The following CDH13 variants were observed in gnomAD, a reference collection of about 807,000 sequenced individuals.
The protein encoded by CDH13 is cadherin 13.
Under a neutral mutation model 63.8 loss-of-function variants are expected in CDH13, and 24 were observed. The observed-to-expected ratio is 0.38, with a 90% CI of 0.27 to 0.53. CDH13 has a LOEUF of 0.53. Among genes scored for constraint, CDH13 ranks in the 20% least tolerant of loss-of-function variants. The probability of loss-of-function intolerance (pLI) is 0.85; values close to 1 mark genes in which losing one functional copy is unlikely to be tolerated. For missense variants in CDH13, 1,049 were observed against 903.1 expected (o/e 1.16, Z -2.07); for synonymous variants, 503 against 355.3 (o/e 1.42, Z -4.67).
At chr16:83,720,671 A>G (rs1283335403) in intron 10 of CDH13, among the ~76,000 whole-genome samples, 1 of 152,114 alleles carries the variant, frequency 6.6e-6, no homozygotes, top group African/African-American at 2.4e-5. Context: ...GGAAGCAGCA[A>G]AGACAGGGTG....
intron 2 of CDH13, among the ~76,000 whole-genome samples, chr16:82,906,335 C>T (rs754771420): frequency 6.6e-6 from 1 of 152,126 alleles, no homozygotes. Flanking sequence ...ATGATTGGCC[C>T]TTAGTCCCCA....
At chr16:83,245,719 A>C (rs971577202) in intron 5 of CDH13, among the ~76,000 whole-genome samples, 1 of 152,160 alleles carries the variant, frequency 6.6e-6, no homozygotes, top group Non-Finnish European at 1.5e-5. Flanking sequence ...AGACTTAGTC[A>C]ATTTTTTTCC....
intron 3 of CDH13, among the ~76,000 whole-genome samples, chr16:83,122,823 T>G (rs2035644446): frequency 6.6e-6 from 1 of 152,166 alleles, no homozygotes; most frequent in Non-Finnish European, 1.5e-5. Context: ...GCAGGCTTCT[T>G]ACATGCACAC....
At chr16:83,603,647 C>T (rs1252517182) in intron 8 of CDH13, among the ~76,000 whole-genome samples, 3 of 152,130 alleles carry the variant, frequency 2.0e-5, no homozygotes, top group Non-Finnish European at 2.9e-5. Flanking sequence ...CCTGCAGTTG[C>T]CCCACTGCTC....
intron 1 of CDH13, among the ~76,000 whole-genome samples, chr16:82,847,063 A>G (rs900834958): frequency 1.2e-4 from 18 of 152,066 alleles, no homozygotes; most frequent in Admixed American, 3.9e-4. Context: ...TCGCCTTCAA[A>G]TTCCCTCTCC....
At chr16:83,013,864 A>C (rs954231714) in intron 2 of CDH13, among the ~76,000 whole-genome samples, 1 of 152,170 alleles carries the variant, frequency 6.6e-6, no homozygotes, top group African/African-American at 2.4e-5. Flanking sequence ...AGGAATCCAA[A>C]AGACAGAAGG....
At chr16:83,677,772 G>C (rs543174234) in intron 9 of CDH13, among the ~76,000 whole-genome samples, 3 of 152,228 alleles carry the variant, frequency 2.0e-5, no homozygotes, top group East Asian at 3.9e-4. Context: ...TCATTTACCA[G>C]AGCCCCCGTG....
rs907719993 is a variant in CDH13, at chr16:83,797,865, A to G, written c.*2835A>G. On this transcript the variant is annotated 3_prime_UTR_variant, in exon 14 of 14. Coordinates refer to ENST00000567109, the MANE Select transcript of CDH13 (RefSeq NM_001257.5). ...CATTTTCTCCCTCATTTTACATACG[A>G]TAAATTAATTATTTTGGATAATTTG... 6.6e-6 allele frequency: 1 copy of G among 152,224 alleles called. No individual in the cohort carries two copies. The highest frequency in any genetic ancestry group is 2.4e-5 in the African/African-American group (1 of 41,460). The allele number at this position is 152,224 out of a possible 1,614,324, so 9.4% of individuals were successfully genotyped here. A position where few individuals can be genotyped will look rare whatever the true frequency, so the allele number is the denominator to read the frequency against.
At chr16:82,814,055 C>A (rs1218331031) in intron 1 of CDH13, among the ~76,000 whole-genome samples, 1 of 152,094 alleles carries the variant, frequency 6.6e-6, no homozygotes, top group Non-Finnish European at 1.5e-5. Context: ...GGTCTTGACC[C>A]TGAGGGTTTT....
chr16:83,652,795 C>G (rs149645373), intron 8 of CDH13, among the ~76,000 whole-genome samples: 9 of 152,276 alleles, frequency 5.9e-5, no homozygotes, highest in Non-Finnish European at 8.8e-5. Context: ...AGCTCCACTC[C>G]TAGGTGTAAA....
chr16:83,173,299 A>G (rs781199162), intron 4 of CDH13, among the ~76,000 whole-genome samples: 23 of 152,104 alleles, frequency 1.5e-4, no homozygotes, highest in Non-Finnish European at 2.9e-4. Flanking sequence ...GCTGGGTTCT[A>G]TGTTCTCAAA....
At chr16:83,602,364 G>A in intron 7 of CDH13, 90 bp from the exon 8 acceptor site, 1 of 1,277,560 alleles carries the variant, frequency 7.8e-7, no homozygotes, top group Non-Finnish European at 1.1e-6. Context: ...AGGAGGGGGA[G>A]AGACAGCTCC....
At chr16:83,407,332 G>A (rs765489690) in intron 6 of CDH13, among the ~76,000 whole-genome samples, 3 of 152,132 alleles carry the variant, frequency 2.0e-5, no homozygotes, top group African/African-American at 4.8e-5. Flanking sequence ...TAGGTTTATC[G>A]ATTTTCTATA....
At chr16:83,348,619 G>C (rs887386726) in intron 6 of CDH13, among the ~76,000 whole-genome samples, 1 of 152,322 alleles carries the variant, frequency 6.6e-6, no homozygotes. Flanking sequence ...TTTACACTGA[G>C]CGTCACAAAT....
At chr16:83,401,544 A>C (rs1427688361) in intron 6 of CDH13, among the ~76,000 whole-genome samples, 1 of 151,918 alleles carries the variant, frequency 6.6e-6, no homozygotes, top group Non-Finnish European at 1.5e-5. Context: ...AATAAAAATA[A>C]TCTGTGGTTT....
chr16:83,733,332 G>A (rs1911221087), intron 10 of CDH13, among the ~76,000 whole-genome samples: 1 of 152,130 alleles, frequency 6.6e-6, no homozygotes, highest in South Asian at 2.1e-4. Flanking sequence ...CTCTCTCCTT[G>A]TGAAACCCAG....
intron 1 of CDH13, among the ~76,000 whole-genome samples, chr16:82,659,896 A>G (rs1039362935): frequency 6.6e-6 from 1 of 152,130 alleles, no homozygotes; most frequent in African/African-American, 2.4e-5. Context: ...TCACTGTGAA[A>G]TCCAAAAATG....
intron 5 of CDH13, among the ~76,000 whole-genome samples, chr16:83,252,272 TTTTTTTTTTTCA>T (rs1905666393): frequency 2.8e-4 from 1 of 3,532 alleles, no homozygotes; most frequent in South Asian, 0.12. Context: ...CTTTTTTTTC[TTTTTTTTTTTCA>T]TTTTTATTTA....
intron 3 of CDH13, among the ~76,000 whole-genome samples, chr16:83,044,787 C>T (rs1362562924): frequency 6.6e-6 from 1 of 152,122 alleles, no homozygotes; most frequent in Non-Finnish European, 1.5e-5. Context: ...GTGCGGCCAT[C>T]CACAGGCTTT....
Sources: gnomAD v4.1 joint callset for allele counts (sites outside exome capture counted in the v4.1 genomes callset) on GRCh38, gnomAD v4.1.1 for gene constraint, MANE v1.5 for transcripts, NCBI Gene and HGNC (gene_info 2026-07-23, HGNC 2026-07-21) for gene names.